Variants in ARHGAP42 observed in about 807,000 individuals in gnomAD.
ARHGAP42 encodes rho GTPase-activating protein 42.
ARHGAP42 carries 63 observed loss-of-function variants against 125.0 expected under a neutral mutation model. That is an observed-to-expected ratio of 0.50 (90% CI 0.41 to 0.62). The LOEUF is 0.62. Ranked by LOEUF, ARHGAP42 falls within the 20% of genes least tolerant of loss-of-function variation. The pLI is 0.00. For missense variants in ARHGAP42, 766 were observed against 1,024.2 expected, an observed-to-expected ratio of 0.75 and a Z score of 3.44; for synonymous variants, 339 against 351.0, an observed-to-expected ratio of 0.97 and a Z score of 0.38.
chr11:100,723,417 A>C (rs1019958115), intron 1 of ARHGAP42, among the ~76,000 whole-genome samples: 1 of 152,198 alleles, frequency 6.6e-6, no homozygotes, highest in Non-Finnish European at 1.5e-5. Flanking sequence ...GAAACATAGA[A>C]TATCTCTCCA....
intron 4 of ARHGAP42, among the ~76,000 whole-genome samples, chr11:100,899,364 G>C (rs148136156): frequency 0.077 from 11,740 of 152,240 alleles, 633 homozygotes; most frequent in Non-Finnish European, 0.11. Context: ...GGGTCTGCTT[G>C]GTGCAGAGCT....
chr11:100,863,033 G>A (rs1443905200), intron 4 of ARHGAP42, among the ~76,000 whole-genome samples: 2 of 33,044 alleles, frequency 6.1e-5, no homozygotes, highest in East Asian at 9.2e-4. Flanking sequence ...GCGAAACTCC[G>A]TCTCAAAAAA....
Position 100,993,030 on chromosome 11 carries a change from A to G in ARHGAP42, c.*4229A>G, listed in dbSNP as rs978165943. ...GAGACCATTTTCATTTACTGCCATCATAAATATTCTCCACCATTCAAGATG... is the reference window on the plus strand; with the variant it reads ...GAGACCATTTTCATTTACTGCCATCGTAAATATTCTCCACCATTCAAGATG... On this transcript the variant is annotated 3_prime_UTR_variant, in exon 24 of 24. Transcript: ENST00000298815. The G allele has an allele frequency of 2.9e-5, 7 of 239,460 alleles. No individual in the cohort carries two copies. Among genetic ancestry groups the G allele is most frequent in the Non-Finnish European group, 6.1e-5 (7 of 114,006 alleles). The allele number at this position is 239,460 out of a possible 1,614,324, so 14.8% of individuals were successfully genotyped here.
chr11:100,815,335 C>T (rs995165629), intron 3 of ARHGAP42, among the ~76,000 whole-genome samples: 4 of 152,114 alleles, frequency 2.6e-5, no homozygotes, highest in Non-Finnish European at 5.9e-5. Context: ...TGTTGATAGT[C>T]ATTTATGTAG....
intron 17 of ARHGAP42, 30 bp from the exon 18 acceptor site, chr11:100,973,145 T>G: frequency 6.7e-7 from 1 of 1,486,258 alleles, no homozygotes. Context: ...ACATATAACT[T>G]AAGATATTTT....
chr11:100,965,017 G>A (rs1435445231), intron 16 of ARHGAP42, among the ~76,000 whole-genome samples: 2 of 152,130 alleles, frequency 1.3e-5, no homozygotes, highest in Non-Finnish European at 2.9e-5. Context: ...AAGGACTCGG[G>A]AAACTTACAA....
chr11:100,743,361 G>C (rs1862229429), intron 1 of ARHGAP42, among the ~76,000 whole-genome samples: 1 of 152,120 alleles, frequency 6.6e-6, no homozygotes, highest in African/African-American at 2.4e-5. Context: ...CTTGGTGACA[G>C]TTATTCTGTT....
At chr11:100,772,552 A>T (rs1405045917) in intron 2 of ARHGAP42, among the ~76,000 whole-genome samples, 1 of 140,606 alleles carries the variant, frequency 7.1e-6, no homozygotes, top group Non-Finnish European at 1.7e-5. Context: ...AAGTGCCTCC[A>T]GGAATAAGGG....
chr11:100,828,457 T>C (rs1413430970), intron 3 of ARHGAP42, among the ~76,000 whole-genome samples: 2 of 152,172 alleles, frequency 1.3e-5, no homozygotes, highest in African/African-American at 4.8e-5. Flanking sequence ...TGTCTCTGAC[T>C]AGGCTTCTGT....
intron 6 of ARHGAP42, among the ~76,000 whole-genome samples, chr11:100,924,556 A>G (rs558174361): frequency 1.3e-5 from 2 of 151,926 alleles, no homozygotes; most frequent in African/African-American, 4.8e-5. Flanking sequence ...CATCTAAGCT[A>G]CTCGGGAAGC....
intron 7 of ARHGAP42, among the ~76,000 whole-genome samples, chr11:100,934,940 A>C (rs1343897567): frequency 1.3e-5 from 2 of 152,192 alleles, no homozygotes; most frequent in African/African-American, 4.8e-5. Context: ...AGGCTTTTAC[A>C]GTTACTATTA....
chr11:100,833,035 A>G (rs2135097265), intron 3 of ARHGAP42, among the ~76,000 whole-genome samples: 1 of 152,342 alleles, frequency 6.6e-6, no homozygotes, highest in Admixed American at 6.5e-5. Flanking sequence ...TTCTGACAGA[A>G]GTCTAACTCT....
chr11:100,825,550 A>G (rs1864496453), intron 3 of ARHGAP42, among the ~76,000 whole-genome samples: 1 of 152,176 alleles, frequency 6.6e-6, no homozygotes, highest in African/African-American at 2.4e-5. Flanking sequence ...CGTGAAGAAT[A>G]TTTGGATATT....
chr11:100,826,065 GT>G (rs201860390), intron 3 of ARHGAP42, among the ~76,000 whole-genome samples: 6 of 151,704 alleles, frequency 4.0e-5, no homozygotes, highest in South Asian at 2.1e-4. Flanking sequence ...GTAAAATGCT[GT>G]TTTTTTTCTC....
At position 100,895,104 on chromosome 11, in the gene ARHGAP42, C is replaced by T. The variant is rs184518140; in HGVS notation, c.385-18348C>T. Among the ~76,000 whole-genome samples, 22 of 152,302 alleles carry T rather than the reference C, an allele frequency of 1.4e-4. No individual in the cohort carries two copies. In the East Asian group the frequency reaches 3.3e-3, roughly 23 times the overall value. ...GAAATCATTTCATCGTGCTTTCTTA[C>T]ATGATAGAGAGGAGGCCAAGGCCCT... On this transcript the variant is annotated intron_variant, in intron 4 of 23. Transcript: ENST00000298815.
intron 6 of ARHGAP42, among the ~76,000 whole-genome samples, chr11:100,932,000 A>G (rs912707203): frequency 2.6e-5 from 4 of 152,202 alleles, no homozygotes; most frequent in African/African-American, 9.6e-5. Context: ...GACTGTTTGA[A>G]CAAGAGAAGA....
rs1201883044 is a variant in ARHGAP42 at position 100,700,667 on chromosome 11, T to A, written c.154+12835T>A. Among the ~76,000 whole-genome samples the A allele has an allele frequency of 1.3e-4, 20 of 152,230 alleles. 1 individual carries two copies. The highest frequency in any genetic ancestry group is 1.3e-3 in the Admixed American group (20 of 15,282). ...CAACTCTTCATTCGTTCAAGATTGATCATGAGATTGCAGCAATTCAGTCAC... is the reference window on the plus strand; with the variant it reads ...CAACTCTTCATTCGTTCAAGATTGAACATGAGATTGCAGCAATTCAGTCAC... On this transcript the variant is annotated intron_variant, in intron 1 of 23. Transcript: ENST00000298815.
At chr11:100,876,658 C>G (rs777732282) in intron 4 of ARHGAP42, among the ~76,000 whole-genome samples, 2 of 152,194 alleles carry the variant, frequency 1.3e-5, no homozygotes, top group Non-Finnish European at 2.9e-5. Context: ...TTATTGAAAT[C>G]TGTGGGTATG....
chr11:100,748,404 A>G (rs764773866), intron 1 of ARHGAP42, among the ~76,000 whole-genome samples: 4 of 152,192 alleles, frequency 2.6e-5, no homozygotes, highest in Non-Finnish European at 5.9e-5. Context: ...AGTTCCTCGT[A>G]GGTCTGGTTG....
Sources: gnomAD v4.1 joint callset for allele counts (sites outside exome capture counted in the v4.1 genomes callset) on GRCh38, gnomAD v4.1.1 for gene constraint, MANE v1.5 for transcripts, NCBI Gene and HGNC (gene_info 2026-07-23, HGNC 2026-07-21) for gene names.